Variants in ZNF804B observed in about 807,000 individuals in gnomAD.
The protein encoded by ZNF804B is zinc finger 804B.
Under a neutral mutation model 101.4 loss-of-function variants are expected in ZNF804B, and 80 were observed. The observed-to-expected ratio is 0.79, with a 90% CI of 0.66 to 0.95. The LOEUF (loss-of-function observed/expected upper bound fraction) is 0.95. ZNF804B is among the 40% of genes least tolerant of loss of function. ZNF804B has a pLI of 0.00. For missense variants in ZNF804B, 1,673 were observed against 1,561.9 expected, an observed-to-expected ratio of 1.07 and a Z score of -1.20; for synonymous variants, 622 against 558.8, an observed-to-expected ratio of 1.11 and a Z score of -1.59.
intron 1 of ZNF804B, among the ~76,000 whole-genome samples, chr7:89,013,806 TC>T (rs1788499184): frequency 6.6e-6 from 1 of 152,232 alleles, no homozygotes; most frequent in Admixed American, 6.5e-5. Context: ...TAATCTCTGT[TC>T]TACTCTTTAC....
intron 1 of ZNF804B, among the ~76,000 whole-genome samples, chr7:89,042,487 T>C (rs567881808): frequency 6.6e-5 from 10 of 152,300 alleles, no homozygotes; most frequent in Non-Finnish European, 1.2e-4. Flanking sequence ...ATTTACCAAA[T>C]CTGAGATTTT....
intron 1 of ZNF804B, among the ~76,000 whole-genome samples, chr7:88,921,362 C>T (rs1024726048): frequency 6.6e-6 from 1 of 152,062 alleles, no homozygotes; most frequent in Non-Finnish European, 1.5e-5. Context: ...AAGGAGCTCC[C>T]GAGGTCCGTC....
intron 1 of ZNF804B, among the ~76,000 whole-genome samples, chr7:88,821,814 T>C (rs1422331160): frequency 6.6e-6 from 1 of 152,188 alleles, no homozygotes. Flanking sequence ...CTTATATATG[T>C]AGCATTTTTA....
At position 89,048,205 on chromosome 7, in the gene ZNF804B, C is replaced by CACACAT. The variant is rs1212045991; in HGVS notation, c.109-169945_109-169944insTACACA. ...AGTGAGAACATATGATGTTCACAAACACACACACACACACACACACAATGG... is the reference window on the plus strand; with the variant it reads ...AGTGAGAACATATGATGTTCACAAACACACATACACACACACACACACACACAATGG... On this transcript the variant is annotated intron_variant, in intron 1 of 3. Coordinates refer to ENST00000333190, the MANE Select transcript of ZNF804B (RefSeq NM_181646.5). Among the ~76,000 whole-genome samples, 24 of 148,834 alleles carry CACACAT rather than the reference C, an allele frequency of 1.6e-4. 1 individual carries two copies. Among genetic ancestry groups the CACACAT allele is most frequent in the African/African-American group, 5.8e-4 (23 of 39,532 alleles).
chr7:88,793,429 A>C (rs1186514038), intron 1 of ZNF804B, among the ~76,000 whole-genome samples: 1 of 152,092 alleles, frequency 6.6e-6, no homozygotes, highest in Non-Finnish European at 1.5e-5. Context: ...TGTAACATAG[A>C]GGGATGTTCA....
rs1418883267 is a variant in ZNF804B at position 89,298,246 on chromosome 7, A to G, written c.250-29098A>G. On this transcript the variant is annotated intron_variant, in intron 2 of 3. Coordinates refer to ENST00000333190, the MANE Select transcript of ZNF804B (RefSeq NM_181646.5). ...TATATATATATATATATATATATAT[A>G]TATATATATATACTTTAAGTTCTAG... Among the ~76,000 whole-genome samples, 4 of 119,404 alleles carry G rather than the reference A, an allele frequency of 3.3e-5. No homozygotes were observed. In the East Asian group the frequency reaches 1.2e-3, roughly 35 times the overall value. 78.3% of individuals were successfully genotyped at this position (119,404 alleles called of 152,430 possible).
At chr7:89,254,055 C>T (rs1390589057) in intron 2 of ZNF804B, among the ~76,000 whole-genome samples, 1 of 151,996 alleles carries the variant, frequency 6.6e-6, no homozygotes, top group Non-Finnish European at 1.5e-5. Flanking sequence ...CATGTTGAAA[C>T]CTTCTTTTAA....
chr7:89,331,764 T>C (rs1352198663), intron 3 of ZNF804B, among the ~76,000 whole-genome samples: 2 of 151,392 alleles, frequency 1.3e-5, no homozygotes, highest in South Asian at 2.1e-4. Flanking sequence ...CCCTGAACTA[T>C]AGAAAAAGAC....
At chr7:89,304,366 A>G (rs1007121610) in intron 2 of ZNF804B, among the ~76,000 whole-genome samples, 6 of 151,874 alleles carry the variant, frequency 4.0e-5, no homozygotes, top group African/African-American at 1.2e-4. Context: ...GTTGAGTTCA[A>G]TTTCTCTCCC....
chr7:89,102,707 G>A (rs1388505294), intron 1 of ZNF804B, among the ~76,000 whole-genome samples: 2 of 151,608 alleles, frequency 1.3e-5, no homozygotes, highest in Admixed American at 6.6e-5. Context: ...GTCTATTTTT[G>A]GTTTAGTTAG....
chr7:89,180,903 G>T (rs1479039792), intron 1 of ZNF804B, among the ~76,000 whole-genome samples: 1 of 149,036 alleles, frequency 6.7e-6, no homozygotes, highest in Non-Finnish European at 1.5e-5. Context: ...TTAGCCTGTG[G>T]TAATGAGGCT....
chr7:89,312,352 A>C lies in ZNF804B; in HGVS notation c.250-14992A>C, dbSNP rs574663133. ...ATTGTCCAAGCACAAATGGCTGACC[A>C]TCAGCAATTAAACATAGCATCCAGC... On this transcript the variant is annotated intron_variant, in intron 2 of 3. Coordinates refer to ENST00000333190, the MANE Select transcript of ZNF804B (RefSeq NM_181646.5). Among the ~76,000 whole-genome samples the C allele has an allele frequency of 1.3e-4, 20 of 152,296 alleles. No homozygotes were observed. In the South Asian group the frequency reaches 4.1e-3, roughly 32 times the overall value.
At chr7:88,809,347 CTAT>C (rs1790746017) in intron 1 of ZNF804B, among the ~76,000 whole-genome samples, 1 of 150,070 alleles carries the variant, frequency 6.7e-6, no homozygotes, top group Non-Finnish European at 1.5e-5. Flanking sequence ...ATCTATCTAT[CTAT>C]CTATCTACCT....
intron 1 of ZNF804B, among the ~76,000 whole-genome samples, chr7:89,166,247 AT>A (rs1186341532): frequency 6.6e-6 from 1 of 152,170 alleles, no homozygotes; most frequent in East Asian, 1.9e-4. Flanking sequence ...CAAGTTGTAC[AT>A]TTAACCTTTG....
At chr7:89,110,754 T>A (rs1790203887) in intron 1 of ZNF804B, among the ~76,000 whole-genome samples, 1 of 152,184 alleles carries the variant, frequency 6.6e-6, no homozygotes, top group Non-Finnish European at 1.5e-5. Flanking sequence ...GTCTTTGTAT[T>A]ATTCAATTTT....
chr7:89,130,351 G>T (rs187640077), intron 1 of ZNF804B, among the ~76,000 whole-genome samples: 7 of 152,024 alleles, frequency 4.6e-5, no homozygotes, highest in African/African-American at 1.7e-4. Context: ...GAAGAAAGCA[G>T]CTTTCTGAAG....
At chr7:89,097,670 T>G (rs1789989215) in intron 1 of ZNF804B, among the ~76,000 whole-genome samples, 1 of 152,212 alleles carries the variant, frequency 6.6e-6, no homozygotes, top group South Asian at 2.1e-4. Flanking sequence ...GTGTGTATTT[T>G]GAAAGTGATG....
chr7:89,089,046 CCTTTTTTTTT>C (rs1428872389), intron 1 of ZNF804B, among the ~76,000 whole-genome samples: 8 of 145,974 alleles, frequency 5.5e-5, no homozygotes, highest in Admixed American at 4.7e-4. Flanking sequence ...GCCTTTTTTT[CCTTTTTTTTT>C]CTTTTTTTTT....
intron 2 of ZNF804B, among the ~76,000 whole-genome samples, chr7:89,237,477 G>A (rs1789302461): frequency 6.6e-6 from 1 of 152,198 alleles, no homozygotes; most frequent in Non-Finnish European, 1.5e-5. Context: ...ATGATGATGA[G>A]TTCAGATGAA....
Sources: allele counts gnomAD v4.1 joint callset (sites outside exome capture counted in the v4.1 genomes callset), GRCh38; gene constraint gnomAD v4.1.1; transcripts MANE v1.5; gene names NCBI Gene and HGNC (gene_info 2026-07-23, HGNC 2026-07-21).